The following ARHGEF26 variants were observed in gnomAD, a reference collection of about 807,000 sequenced individuals.
ARHGEF26 encodes Rho guanine nucleotide exchange factor (GEF) 26.
A neutral mutation model predicts 89.4 loss-of-function variants in ARHGEF26; 59 were observed. The ratio of observed to expected loss-of-function variants is 0.66; its 90% CI spans 0.54 to 0.82. ARHGEF26 has a LOEUF of 0.82. Among genes scored for constraint, ARHGEF26 ranks in the 40% least tolerant of loss-of-function variants. The pLI is 0.00. For synonymous variants in ARHGEF26, 500 were observed against 428.4 expected (o/e 1.17, Z -2.06); for missense variants, 1,234 against 1,085.6 (o/e 1.14, Z -1.92).
At chr3:154,216,222 C>G (rs1715716929) in intron 9 of ARHGEF26, among the ~76,000 whole-genome samples, 1 of 151,764 alleles carries the variant, frequency 6.6e-6, no homozygotes, top group African/African-American at 2.4e-5. Context: ...TGGCAAATGA[C>G]TCTAATATGG....
chr3:154,191,449 G>A (rs1559888536), intron 8 of ARHGEF26, 31 bp downstream of exon 8: 1 of 1,598,590 alleles, frequency 6.3e-7, no homozygotes, highest in Non-Finnish European at 8.5e-7. Context: ...TTTCCTCTGT[G>A]GATAGCTGTG....
intron 9 of ARHGEF26, among the ~76,000 whole-genome samples, chr3:154,213,397 G>A (rs1715516641): frequency 1.3e-5 from 2 of 151,894 alleles, no homozygotes; most frequent in Admixed American, 6.6e-5. Flanking sequence ...AGCAGAACAT[G>A]TATGTTCAAA....
At chr3:154,218,009 T>C in intron 10 of ARHGEF26, 51 bp downstream of exon 10, 1 of 1,480,000 alleles carries the variant, frequency 6.8e-7, no homozygotes, top group Non-Finnish European at 9.2e-7. Context: ...TTTCTCTAAA[T>C]AGAGAGAGAC....
intron 12 of ARHGEF26, among the ~76,000 whole-genome samples, chr3:154,248,191 T>G (rs1717912593): frequency 6.6e-6 from 1 of 152,216 alleles, no homozygotes; most frequent in Non-Finnish European, 1.5e-5. Context: ...TAGGATATGA[T>G]GACCTTAGCC....
chr3:154,226,430 G>C (rs2108261911), intron 11 of ARHGEF26, among the ~76,000 whole-genome samples: 1 of 152,252 alleles, frequency 6.6e-6, no homozygotes, highest in East Asian at 1.9e-4. Context: ...AATTTAAAAT[G>C]CACTGCTTTT....
At chr3:154,245,711 AC>A (rs1433885162) in intron 12 of ARHGEF26, among the ~76,000 whole-genome samples, 6 of 151,896 alleles carry the variant, frequency 4.0e-5, no homozygotes, top group Non-Finnish European at 5.9e-5. Flanking sequence ...ATGACTCCAA[AC>A]TCCCAGCCTC....
At position 154,240,575 on chromosome 3, in the gene ARHGEF26, A is replaced by G; in HGVS notation, c.2296A>G (p.Thr766Ala). The G allele has an allele frequency of 6.2e-7, 1 of 1,606,806 alleles. No homozygotes were observed. Among genetic ancestry groups the G allele is most frequent in the Non-Finnish European group, 8.5e-7 (1 of 1,176,344 alleles). ...AGTGGAGATGCTACTAGGAGCTGAGACGCAGTAAGTATATGTGGGGAAAAG... is the reference window on the plus strand; with the variant it reads ...AGTGGAGATGCTACTAGGAGCTGAGGCGCAGTAAGTATATGTGGGGAAAAG... ...EKVEMLLGAETQSERARWITA... is the reference protein window; with the variant it reads ...EKVEMLLGAEAQSERARWITA... The change falls in exon 12 of 15, where the codon ACG (threonine) becomes GCG (alanine). Residue 766 changes from threonine to alanine, a missense_variant. Transcript: ENST00000465093.
At position 154,256,059 on chromosome 3, in the gene ARHGEF26, A is replaced by G. The variant is rs752783645; in HGVS notation, c.*586A>G. On this transcript the variant is annotated 3_prime_UTR_variant, in exon 15 of 15. Coordinates refer to ENST00000465093, the MANE Select transcript of ARHGEF26 (RefSeq NM_015595.4). ...GGACATTGACACTTGAATTTTTGTCACCTTTTTCCTCATTAGAAGGAAAGT... is the reference window on the plus strand; with the variant it reads ...GGACATTGACACTTGAATTTTTGTCGCCTTTTTCCTCATTAGAAGGAAAGT... The G allele has an allele frequency of 1.7e-5, 17 of 985,646 alleles. No homozygotes were observed. The highest frequency in any genetic ancestry group is 2.0e-5 in the Non-Finnish European group (17 of 829,816). 61.1% of individuals were successfully genotyped at this position (985,646 alleles called of 1,614,324 possible).
Position 154,256,564 on chromosome 3 carries a change from A to AAC in ARHGEF26, c.*1092_*1093insCA. On this transcript the variant is annotated 3_prime_UTR_variant, in exon 15 of 15. Transcript: ENST00000465093. The stretch of plus-strand genomic sequence containing the variant: ...CTAATTAATTAAAAAAAAAAAAAAA[A>AAC]AAAAAAAAAAACCTTCCCAAATGAG... The AAC allele has an allele frequency of 3.0e-6, 3 of 998,774 alleles. No individual in the cohort carries two copies. The highest frequency in any genetic ancestry group is 3.6e-6 in the Non-Finnish European group (3 of 839,078). The allele number at this position is 998,774 out of a possible 1,614,324, so 61.9% of individuals were successfully genotyped here.
At chr3:154,243,258 C>T (rs1008349107) in intron 12 of ARHGEF26, among the ~76,000 whole-genome samples, 3 of 152,126 alleles carry the variant, frequency 2.0e-5, no homozygotes, top group African/African-American at 7.2e-5. Context: ...TAGAGACTTC[C>T]CTTTCCCCGT....
At chr3:154,179,653 A>T (rs1404324272) in intron 6 of ARHGEF26, among the ~76,000 whole-genome samples, 2 of 152,166 alleles carry the variant, frequency 1.3e-5, no homozygotes, top group African/African-American at 4.8e-5. Flanking sequence ...GTAGTCACTG[A>T]AAGAATGGGT....
chr3:154,200,509 G>A (rs559900177), intron 9 of ARHGEF26, among the ~76,000 whole-genome samples: 1 of 152,086 alleles, frequency 6.6e-6, no homozygotes, highest in East Asian at 1.9e-4. Flanking sequence ...TTCCAATTTT[G>A]TTCTTTTTGC....
chr3:154,150,610 A>C (rs1448493134), intron 5 of ARHGEF26, among the ~76,000 whole-genome samples: 1 of 152,104 alleles, frequency 6.6e-6, no homozygotes, highest in African/African-American at 2.4e-5. Context: ...TATGAACACC[A>C]CCTTTAAATA....
chr3:154,253,437 C>G (rs1176487177), intron 13 of ARHGEF26, among the ~76,000 whole-genome samples: 1 of 152,176 alleles, frequency 6.6e-6, no homozygotes, highest in East Asian at 1.9e-4. Flanking sequence ...ATTTAACCAT[C>G]TGCAAGTCAG....
intron 6 of ARHGEF26, among the ~76,000 whole-genome samples, chr3:154,173,158 AG>A (rs1712558311): frequency 6.6e-6 from 1 of 152,146 alleles, no homozygotes; most frequent in Admixed American, 6.5e-5. Context: ...TTTATTAGAA[AG>A]GTTTACATGG....
chr3:154,167,924 A>G (rs1029995712), intron 6 of ARHGEF26, among the ~76,000 whole-genome samples: 12 of 152,136 alleles, frequency 7.9e-5, no homozygotes, highest in African/African-American at 2.7e-4. Context: ...TGTTCTTACA[A>G]TCTCCAGGTA....
intron 6 of ARHGEF26, among the ~76,000 whole-genome samples, chr3:154,163,741 T>C (rs777864379): frequency 7.2e-5 from 11 of 152,214 alleles, no homozygotes; most frequent in Non-Finnish European, 1.6e-4. Context: ...TCTTATTTTC[T>C]CATGGACATT....
chr3:154,257,398 A>G lies in ARHGEF26; in HGVS notation c.*1925A>G, dbSNP rs1718590594. 1 of 152,752 alleles carries G rather than the reference A, an allele frequency of 6.5e-6. No individual in the cohort carries two copies. Among genetic ancestry groups the G allele is most frequent in the African/African-American group, 2.4e-5 (1 of 41,502 alleles). The allele number at this position is 152,752 out of a possible 1,614,324, so 9.5% of individuals were successfully genotyped here. A position where few individuals can be genotyped will look rare whatever the true frequency, so the allele number is the denominator to read the frequency against. On this transcript the variant is annotated 3_prime_UTR_variant, in exon 15 of 15. Coordinates refer to ENST00000465093, the MANE Select transcript of ARHGEF26 (RefSeq NM_015595.4). ...AAAAGAGAGGCTATCAAGTTGTAAT[A>G]TAATCTGTCATGTTTTATTTAGGAA...
In ARHGEF26 at chr3:154,122,381, A is replaced by G. The variant is rs754430390; in HGVS notation, c.389A>G (p.Asn130Ser). Residue 130 changes from asparagine (N) to serine (S), a missense_variant, in exon 2 of 15, where the codon AAT becomes AGT. Coordinates refer to ENST00000465093, the MANE Select transcript of ARHGEF26 (RefSeq NM_015595.4). ...GGCGGCTCCCCGAAATCCCCAGCAA[A>G]TGGCGCGGTGACCTTGCCTGCGCCG... Reference protein sequence around the residue: ...VPGGSPKSPANGAVTLPAPPP... With the variant: ...VPGGSPKSPASGAVTLPAPPP... The G allele has an allele frequency of 1.2e-6, 2 of 1,611,896 alleles. No individual in the cohort carries two copies. The highest frequency in any genetic ancestry group is 2.2e-5 in the East Asian group (1 of 44,850).
Sources: allele counts gnomAD v4.1 joint callset (sites outside exome capture counted in the v4.1 genomes callset), GRCh38; gene constraint gnomAD v4.1.1; transcripts MANE v1.5; gene names NCBI Gene and HGNC (gene_info 2026-07-23, HGNC 2026-07-21).